The following PCDH11X variants were observed in gnomAD, a reference collection of about 807,000 sequenced individuals.
PCDH11X encodes protocadherin-11 X-linked.
PCDH11X carries 18 observed loss-of-function variants against 53.3 expected under a neutral mutation model. The ratio of observed to expected loss-of-function variants is 0.34; its 90% CI spans 0.23 to 0.50. The LOEUF (loss-of-function observed/expected upper bound fraction) is 0.50, where lower values mean the gene tolerates loss of function less well. Among genes scored for constraint, PCDH11X ranks in the 20% least tolerant of loss-of-function variants. PCDH11X has a pLI of 0.98. For missense variants in PCDH11X, 570 were observed against 1,032.4 expected (o/e 0.55, Z 6.14); for synonymous variants, 279 against 393.3 (o/e 0.71, Z 3.44).
chrX:91,946,077 C>T (rs1356568963), intron 6 of PCDH11X, among the ~76,000 whole-genome samples: 1 of 109,284 alleles, frequency 9.2e-6, no homozygotes, highest in Non-Finnish European at 1.9e-5. Context: ...AAACGGAATA[C>T]TCAGAGCCAT....
intron 8 of PCDH11X, among the ~76,000 whole-genome samples, chrX:92,329,656 T>A (rs1264287574): frequency 9.0e-6 from 1 of 111,301 alleles, no homozygotes; most frequent in Non-Finnish European, 1.9e-5. Flanking sequence ...GAAAAAGGAA[T>A]GAGATCCAGT....
rs868711842 is a variant in PCDH11X, at chrX:92,083,727, C to T, written c.3034-117648C>T. Among the ~76,000 whole-genome samples the T allele has an allele frequency of 9.0e-5, 10 of 110,712 alleles. No homozygotes were observed. The South Asian group carries it at 1.1e-3, about 13-fold the overall frequency. On this transcript the variant is annotated intron_variant, in intron 6 of 10. Coordinates refer to ENST00000682573, the MANE Select transcript of PCDH11X (RefSeq NM_032968.5). ...AAACTCAAGTTGTCCTTCTCAAGAC[C>T]CAAATTAAATTTTGTTTTACTTAAT...
At chrX:92,042,216 T>C (rs1250431085) in intron 6 of PCDH11X, among the ~76,000 whole-genome samples, 1 of 111,055 alleles carries the variant, frequency 9.0e-6, no homozygotes, top group African/African-American at 3.3e-5. Flanking sequence ...TCTTAAAATA[T>C]TATATTATTA....
intron 2 of PCDH11X, among the ~76,000 whole-genome samples, chrX:91,810,048 T>C (rs1936248641): frequency 9.0e-6 from 1 of 111,552 alleles, no homozygotes; most frequent in Non-Finnish European, 1.9e-5. Context: ...AAATAATTCA[T>C]GTAGGTAGGA....
At chrX:91,991,459 T>A (rs1207945204) in intron 6 of PCDH11X, among the ~76,000 whole-genome samples, 1 of 92,364 alleles carries the variant, frequency 1.1e-5, no homozygotes, top group Non-Finnish European at 2.1e-5. Flanking sequence ...TTCACCATCA[T>A]GTCTTTCCTT....
At chrX:92,573,234 A>G (rs952209755) in intron 10 of PCDH11X, among the ~76,000 whole-genome samples, 1 of 111,645 alleles carries the variant, frequency 9.0e-6, no homozygotes, top group African/African-American at 3.3e-5. Flanking sequence ...CTGTAATATT[A>G]CTAGATGACC....
chrX:92,088,209 T>G lies in PCDH11X; in HGVS notation c.3034-113166T>G, dbSNP rs754614378. ...TTAATAAATTTACAGTGATAGGATC[T>G]TTAGGATATATAACTCTGAGCAACA... On this transcript the variant is annotated intron_variant, in intron 6 of 10. Coordinates refer to ENST00000682573, the MANE Select transcript of PCDH11X (RefSeq NM_032968.5). Among the ~76,000 whole-genome samples, 65 of 110,433 alleles carry G rather than the reference T, an allele frequency of 5.9e-4. No individual in the cohort carries two copies. In the South Asian group the frequency reaches 0.011, roughly 18 times the overall value.
In PCDH11X at chrX:92,017,901, C is replaced by T. The variant is rs6615307; in HGVS notation, c.3033+138628C>T. Among the ~76,000 whole-genome samples the T allele has an allele frequency of 0.016, 1,585 of 101,806 alleles. 71 individuals are homozygous for T. In the East Asian group the frequency reaches 0.22, roughly 14 times the overall value. 88.4% of individuals were successfully genotyped at this position (101,806 alleles called of 115,157 possible). ...AAAAAGCAATATCTATGAAGCACAA[C>T]GAAATGAAGCACAATAAAATGAGCT... is the stretch of plus-strand genomic sequence containing the variant. On this transcript the variant is annotated intron_variant, in intron 6 of 10. Coordinates refer to ENST00000682573, the MANE Select transcript of PCDH11X (RefSeq NM_032968.5).
intron 5 of PCDH11X, among the ~76,000 whole-genome samples, chrX:91,874,992 T>C (rs1346455982): frequency 9.4e-6 from 1 of 106,672 alleles, no homozygotes; most frequent in Non-Finnish European, 1.9e-5. Flanking sequence ...GTCCAGAACA[T>C]GTATGTTAAA....
At chrX:92,219,608 A>C (rs1193089187) in intron 7 of PCDH11X, among the ~76,000 whole-genome samples, 1 of 104,187 alleles carries the variant, frequency 9.6e-6, no homozygotes, top group African/African-American at 3.5e-5. Context: ...ATATTGTGAA[A>C]ATGGCCATAC....
At chrX:92,526,924 T>G (rs2074463737) in intron 10 of PCDH11X, among the ~76,000 whole-genome samples, 1 of 110,467 alleles carries the variant, frequency 9.1e-6, no homozygotes, top group African/African-American at 3.3e-5. Flanking sequence ...ATGTGGTACA[T>G]ACACACAGTG....
chrX:91,970,285 T>C (rs2061938350), intron 6 of PCDH11X, among the ~76,000 whole-genome samples: 1 of 111,188 alleles, frequency 9.0e-6, no homozygotes, highest in South Asian at 3.8e-4. Flanking sequence ...CTGGCGAGGG[T>C]GGCCTGCTTT....
At chrX:92,400,510 G>A (rs1304860152) in intron 9 of PCDH11X, among the ~76,000 whole-genome samples, 1 of 111,024 alleles carries the variant, frequency 9.0e-6, no homozygotes, top group Admixed American at 9.6e-5. Flanking sequence ...TGTTTGTTGT[G>A]TATGCAATTG....
At chrX:91,910,893 T>C (rs1941347917) in intron 6 of PCDH11X, among the ~76,000 whole-genome samples, 1 of 111,459 alleles carries the variant, frequency 9.0e-6, no homozygotes, top group African/African-American at 3.3e-5. Context: ...TTATTCATCA[T>C]TATGAGATAA....
chrX:92,432,137 C>T (rs2072263669), intron 9 of PCDH11X, among the ~76,000 whole-genome samples: 1 of 109,206 alleles, frequency 9.2e-6, no homozygotes, highest in Non-Finnish European at 1.9e-5. Context: ...CTTTTTTCTT[C>T]CTTTGCAGCC....
Position 92,582,572 on chromosome X carries a change from C to A in PCDH11X, c.3368-35692C>A, listed in dbSNP as rs753298905. Among the ~76,000 whole-genome samples, 26 of 110,766 alleles carry A rather than the reference C, an allele frequency of 2.3e-4. No homozygotes were observed. The South Asian group carries it at 9.3e-3, about 40-fold the overall frequency. On this transcript the variant is annotated intron_variant, in intron 10 of 10. Transcript: ENST00000682573. ...AAGTTTGCTTCAGGAGCAGGGTCCT[C>A]ATTGAGAACCTCTGCTAGAGCAGTG...
chrX:92,224,879 A>G (rs67310656), intron 7 of PCDH11X, among the ~76,000 whole-genome samples: 18,669 of 111,779 alleles, frequency 0.17, 1,321 homozygotes, highest in Admixed American at 0.29. Context: ...CCTTTGCTCC[A>G]TCTAAAGTGA....
chrX:92,259,829 G>A (rs1385731721), intron 7 of PCDH11X, among the ~76,000 whole-genome samples: 3 of 111,453 alleles, frequency 2.7e-5, no homozygotes, highest in Non-Finnish European at 5.6e-5. Context: ...GCCAGGATCG[G>A]GTCCTTTCCT....
At chrX:92,271,682 C>T (rs1432564920) in intron 8 of PCDH11X, among the ~76,000 whole-genome samples, 1 of 112,168 alleles carries the variant, frequency 8.9e-6, no homozygotes, top group Admixed American at 9.5e-5. Context: ...ATCCTATTTT[C>T]CTGCTTCAAT....
Sources: allele counts gnomAD v4.1 joint callset (sites outside exome capture counted in the v4.1 genomes callset), GRCh38; gene constraint gnomAD v4.1.1; transcripts MANE v1.5; gene names NCBI Gene and HGNC (gene_info 2026-07-23, HGNC 2026-07-21).